RASA2: variants seen among roughly 807,000 people sequenced by gnomAD.
The protein encoded by RASA2 is RAS p21 protein activator 2.
RASA2 carries 155 observed loss-of-function variants against 118.2 expected under a neutral mutation model. The observed-to-expected ratio is 1.31, with a 90% CI of 1.15 to 1.50. The LOEUF (loss-of-function observed/expected upper bound fraction) is 1.50, where lower values mean the gene tolerates loss of function less well. RASA2 is among the 40% of genes most tolerant of loss of function. The pLI is 0.00. For synonymous variants in RASA2, 353 were observed against 349.1 expected (o/e 1.01, Z -0.12); for missense variants, 1,016 against 1,009.6 (o/e 1.01, Z -0.09).
At chr3:141,550,628 A>G (rs2082560299) in intron 5 of RASA2, among the ~76,000 whole-genome samples, 1 of 152,250 alleles carries the variant, frequency 6.6e-6, no homozygotes, top group Admixed American at 6.5e-5. Context: ...ATTTCAAAAT[A>G]AGGTTTTTAA....
chr3:141,541,956 T>C (rs1477266668), intron 5 of RASA2, among the ~76,000 whole-genome samples: 1 of 152,080 alleles, frequency 6.6e-6, no homozygotes, highest in Non-Finnish European at 1.5e-5. Flanking sequence ...CTTCCACTCC[T>C]CCCTCCCCTG....
intron 12 of RASA2, 108 bp downstream of exon 12, chr3:141,572,831 A>G: frequency 1.1e-6 from 1 of 899,452 alleles, no homozygotes; most frequent in Non-Finnish European, 1.7e-6. Flanking sequence ...GTTACTGAAA[A>G]AATAGACTGA....
chr3:141,567,986 C>T (rs546928679), intron 9 of RASA2, among the ~76,000 whole-genome samples: 4 of 152,190 alleles, frequency 2.6e-5, no homozygotes, highest in Admixed American at 2.6e-4. Context: ...AATAATTTTC[C>T]CCAGTCTCTT....
At chr3:141,529,105 T>C (rs2151093707) in intron 3 of RASA2, among the ~76,000 whole-genome samples, 1 of 152,180 alleles carries the variant, frequency 6.6e-6, no homozygotes, top group East Asian at 1.9e-4. Context: ...TTTAAACTCT[T>C]TAGAGAACTG....
Position 141,512,281 on chromosome 3 carries a change from G to T in RASA2, c.251+1G>T. The T allele has an allele frequency of 1.3e-6, 2 of 1,556,610 alleles. No homozygotes were observed. The highest frequency in any genetic ancestry group is 1.7e-6 in the Non-Finnish European group (2 of 1,148,210). On this transcript the variant is annotated splice_donor_variant, in intron 2 of 23. Transcript: ENST00000286364. LOFTEE classifies it high-confidence loss of function. The stretch of plus-strand genomic sequence containing the variant: ...CCCAAGTTGTGGAAAAATCTTTAAG[G>T]TTGGTAGAAAAAATTGGTAAATTAT...
chr3:141,592,340 G>A (rs1429533359), intron 19 of RASA2, among the ~76,000 whole-genome samples: 1 of 152,160 alleles, frequency 6.6e-6, no homozygotes, highest in Non-Finnish European at 1.5e-5. Context: ...AGCATGCCTG[G>A]AGTGTTAAAG....
chr3:141,539,824 A>G (rs1311804369), intron 4 of RASA2, among the ~76,000 whole-genome samples: 2 of 152,184 alleles, frequency 1.3e-5, no homozygotes, highest in Non-Finnish European at 2.9e-5. Context: ...AACTTACACT[A>G]CTTAATTTTT....
At chr3:141,518,244 T>C (rs908641585) in intron 3 of RASA2, among the ~76,000 whole-genome samples, 19 of 151,304 alleles carry the variant, frequency 1.3e-4, no homozygotes, top group Admixed American at 4.0e-4. Flanking sequence ...CCTAGCACTT[T>C]GGGAGGCCGA....
chr3:141,551,491 T>C (rs1242405392), intron 5 of RASA2, among the ~76,000 whole-genome samples: 1 of 152,248 alleles, frequency 6.6e-6, no homozygotes, highest in East Asian at 1.9e-4. Flanking sequence ...GGGATTCTTG[T>C]AGCTCCCTGG....
chr3:141,489,835 T>C (rs984870332), intron 1 of RASA2, among the ~76,000 whole-genome samples: 3 of 152,148 alleles, frequency 2.0e-5, no homozygotes, highest in African/African-American at 7.2e-5. Flanking sequence ...TGGACAGATA[T>C]TTGTCTATTG....
intron 3 of RASA2, among the ~76,000 whole-genome samples, chr3:141,522,381 T>C (rs1045117589): frequency 4.6e-5 from 7 of 152,136 alleles, no homozygotes; most frequent in African/African-American, 1.7e-4. Context: ...AGGGCTCCCA[T>C]CTGGGTACCT....
Position 141,533,893 on chromosome 3 carries a change from T to C in RASA2, c.450+4091T>C, listed in dbSNP as rs896663192. ...AAATGGTTCTTTTTACCAATGACAT[T>C]GTGTCAATAAGTCTAGTGGACATTT... On this transcript the variant is annotated intron_variant, in intron 4 of 23. Transcript: ENST00000286364. Among the ~76,000 whole-genome samples the C allele has an allele frequency of 1.4e-4, 22 of 152,306 alleles. No individual in the cohort carries two copies. The East Asian group carries it at 4.2e-3, about 29-fold the overall frequency.
intron 19 of RASA2, among the ~76,000 whole-genome samples, chr3:141,597,914 C>T (rs1306937487): frequency 6.6e-6 from 1 of 152,000 alleles, no homozygotes; most frequent in Non-Finnish European, 1.5e-5. Flanking sequence ...AAAAGACTAA[C>T]CAGAAACTAA....
chr3:141,498,938 A>G (rs1020829063), intron 1 of RASA2, among the ~76,000 whole-genome samples: 2 of 152,108 alleles, frequency 1.3e-5, no homozygotes, highest in African/African-American at 4.8e-5. Flanking sequence ...GTCTGTAGGG[A>G]GCTTGTAGAT....
rs111267867 is a variant in RASA2 at position 141,528,843 on chromosome 3, G to A, written c.356-865G>A. 2.5e-3 allele frequency among the ~76,000 whole-genome samples: 386 copies of A among 152,040 alleles called. 3 individuals are homozygous for A. Among genetic ancestry groups the A allele is most frequent in the African/African-American group, 8.5e-3 (354 of 41,550 alleles). ...CAAGGAAATAAAGTAGAATTAGGGCGTATAAAATGAAAATTCTTACTTGAC... is the reference window on the plus strand; with the variant it reads ...CAAGGAAATAAAGTAGAATTAGGGCATATAAAATGAAAATTCTTACTTGAC... On this transcript the variant is annotated intron_variant, in intron 3 of 23. Transcript: ENST00000286364.
intron 19 of RASA2, among the ~76,000 whole-genome samples, chr3:141,592,586 G>A (rs1047430842): frequency 1.3e-5 from 2 of 152,162 alleles, no homozygotes; most frequent in African/African-American, 4.8e-5. Flanking sequence ...AAGGGCACAA[G>A]GAGAGCAGTT....
chr3:141,557,502 G>A (rs889449535), intron 7 of RASA2, among the ~76,000 whole-genome samples: 2 of 152,180 alleles, frequency 1.3e-5, no homozygotes, highest in African/African-American at 2.4e-5. Context: ...CTTGTGTAAG[G>A]AAATAATGGA....
intron 19 of RASA2, among the ~76,000 whole-genome samples, chr3:141,596,630 G>C (rs972649706): frequency 1.4e-4 from 21 of 152,062 alleles, no homozygotes; most frequent in African/African-American, 4.6e-4. Flanking sequence ...TTTAAAAAGA[G>C]GACGATAGAT....
intron 8 of RASA2, among the ~76,000 whole-genome samples, chr3:141,559,403 G>A (rs2082696962): frequency 6.6e-6 from 1 of 151,916 alleles, no homozygotes; most frequent in Non-Finnish European, 1.5e-5. Context: ...CTGTTTCCTG[G>A]GTCTTAAATA....
Sources: allele counts gnomAD v4.1 joint callset (sites outside exome capture counted in the v4.1 genomes callset), GRCh38; gene constraint gnomAD v4.1.1; transcripts MANE v1.5; gene names NCBI Gene and HGNC (gene_info 2026-07-23, HGNC 2026-07-21).